Variants in MBTPS1 observed in about 807,000 individuals in gnomAD.
MBTPS1 encodes the protein membrane bound transcription factor peptidase, site 1, also known as membrane-bound transcription factor site-1 protease.
Under a neutral mutation model 127.8 loss-of-function variants are expected in MBTPS1, and 94 were observed. The ratio of observed to expected loss-of-function variants is 0.74; its 90% CI spans 0.62 to 0.87. The LOEUF (loss-of-function observed/expected upper bound fraction) is 0.87. Ranked by LOEUF, MBTPS1 falls within the 40% of genes least tolerant of loss-of-function variation. MBTPS1 has a pLI of 0.00. For synonymous variants in MBTPS1, 632 were observed against 509.4 expected (o/e 1.24, Z -3.24); for missense variants, 1,636 against 1,353.2 (o/e 1.21, Z -3.28).
chr16:84,114,489 C>G (rs1381714851), intron 1 of MBTPS1, among the ~76,000 whole-genome samples: 1 of 152,070 alleles, frequency 6.6e-6, no homozygotes, highest in Admixed American at 6.5e-5. Flanking sequence ...ATTAGCTGGC[C>G]ACACATAGGG....
At chr16:84,080,478 G>A (rs778210939) in intron 11 of MBTPS1, among the ~76,000 whole-genome samples, 2 of 152,224 alleles carry the variant, frequency 1.3e-5, no homozygotes, top group African/African-American at 4.8e-5. Context: ...GGAGACACCT[G>A]GCAGGAGCCA....
chr16:84,058,825 C>G (rs562064272), intron 21 of MBTPS1, among the ~76,000 whole-genome samples: 1 of 152,270 alleles, frequency 6.6e-6, no homozygotes, highest in South Asian at 2.1e-4. Flanking sequence ...CCATCGGAGG[C>G]GGGTGCTTTC....
intron 15 of MBTPS1, 39 bp from the exon 16 acceptor site, chr16:84,067,862 T>C (rs754092880): frequency 1.9e-6 from 3 of 1,581,474 alleles, no homozygotes; most frequent in South Asian, 1.1e-5. Context: ...CTGTCACTTC[T>C]GAATGACAGG....
At chr16:84,109,616 C>T (rs1449525159) in intron 1 of MBTPS1, 1 of 152,134 alleles carries the variant, frequency 6.6e-6, no homozygotes, top group Non-Finnish European at 1.5e-5. Flanking sequence ...ATCAGACCAA[C>T]CCAAATTGAG....
At chr16:84,086,081 A>T (rs1048514717) in intron 9 of MBTPS1, 24 of 152,258 alleles carry the variant, frequency 1.6e-4, no homozygotes, top group African/African-American at 5.8e-4. Context: ...CAGGAGCCCA[A>T]TTTGAAGGGA....
intron 8 of MBTPS1, 91 bp downstream of exon 8, chr16:84,090,784 T>G (rs1229119404): frequency 8.9e-6 from 8 of 899,802 alleles, no homozygotes; most frequent in Non-Finnish European, 7.3e-6. Context: ...CATAAACAAG[T>G]AACCATAGGT....
At chr16:84,086,544 G>A (rs1446184412) in intron 9 of MBTPS1, 2 of 152,430 alleles carry the variant, frequency 1.3e-5, no homozygotes, top group African/African-American at 4.8e-5. Flanking sequence ...GGACGCTGGG[G>A]GCTGACGCTG....
At position 84,087,476 on chromosome 16, in the gene MBTPS1, A is replaced by G. The variant is rs774103351; in HGVS notation, c.1032-16T>C. 3 of 829,074 alleles carry G rather than the reference A, an allele frequency of 3.6e-6. No individual in the cohort carries two copies. Among genetic ancestry groups the G allele is most frequent in the South Asian group, 2.3e-5 (1 of 44,016 alleles). The allele number at this position is 829,074 out of a possible 1,614,324, so 51.4% of individuals were successfully genotyped here. The stretch of plus-strand genomic sequence containing the variant: ...ATTCAGAGTGCTATATTGAGACCAA[A>G]AAAAAAAAAAAAGAAAAGAAAAAGA... On this transcript the variant is annotated splice_polypyrimidine_tract_variant and intron_variant, in intron 8 of 22. Transcript: ENST00000343411.
At chr16:84,057,102 C>G (rs2085533549) in intron 21 of MBTPS1, 1 of 152,270 alleles carries the variant, frequency 6.6e-6, no homozygotes, top group South Asian at 2.1e-4. Flanking sequence ...CAACGCCAAG[C>G]TGGCGGGCAA....
At chr16:84,073,945 G>A (rs555792291) in intron 12 of MBTPS1, among the ~76,000 whole-genome samples, 1 of 152,294 alleles carries the variant, frequency 6.6e-6, no homozygotes, top group African/African-American at 2.4e-5. Context: ...GGCGGAGGTT[G>A]CAGTGAGCCA....
intron 1 of MBTPS1, among the ~76,000 whole-genome samples, chr16:84,115,458 G>T (rs529763987): frequency 6.6e-6 from 1 of 152,262 alleles, no homozygotes; most frequent in East Asian, 1.9e-4. Context: ...ACACATTAGA[G>T]CATAAAATAA....
At chr16:84,105,435 GAC>G (rs2086309817) in intron 1 of MBTPS1, among the ~76,000 whole-genome samples, 1 of 152,154 alleles carries the variant, frequency 6.6e-6, no homozygotes, top group Admixed American at 6.5e-5. Flanking sequence ...ATGCTGAACT[GAC>G]ACACAGTTCT....
At chr16:84,083,856 C>G (rs1189559391) in intron 10 of MBTPS1, among the ~76,000 whole-genome samples, 1 of 152,138 alleles carries the variant, frequency 6.6e-6, no homozygotes, top group Admixed American at 6.5e-5. Context: ...TAAATGCCAG[C>G]CCCAAAGACA....
At chr16:84,110,054 A>G (rs893507708) in intron 1 of MBTPS1, among the ~76,000 whole-genome samples, 3 of 152,150 alleles carry the variant, frequency 2.0e-5, no homozygotes, top group African/African-American at 7.2e-5. Flanking sequence ...TAAGTTCTTT[A>G]TTTACCCTCA....
chr16:84,085,194 T>C, intron 9 of MBTPS1, 60 bp from the exon 10 acceptor site: 1 of 1,521,320 alleles, frequency 6.6e-7, no homozygotes, highest in Non-Finnish European at 9.1e-7. Flanking sequence ...CCGCATGCAA[T>C]CATGAGTGAA....
At chr16:84,060,478 C>T (rs949034215) in intron 20 of MBTPS1, 3 of 548,318 alleles carry the variant, frequency 5.5e-6, no homozygotes, top group East Asian at 6.1e-5. Flanking sequence ...ACTGGGTCCT[C>T]GATCATGGCC....
intron 1 of MBTPS1, among the ~76,000 whole-genome samples, chr16:84,104,933 CAA>C (rs34579181): frequency 7.6e-5 from 11 of 145,308 alleles, no homozygotes; most frequent in African/African-American, 5.0e-5. Flanking sequence ...CCAACCGACC[CAA>C]AAAAAAAAAT....
chr16:84,098,669 G>A (rs111692600), intron 3 of MBTPS1, among the ~76,000 whole-genome samples: 1 of 152,118 alleles, frequency 6.6e-6, no homozygotes, highest in Non-Finnish European at 1.5e-5. Context: ...GAAGCGAAAT[G>A]CAAGGAAGAA....
chr16:84,083,899 C>G (rs1487943538), intron 10 of MBTPS1, among the ~76,000 whole-genome samples: 1 of 152,162 alleles, frequency 6.6e-6, no homozygotes, highest in Non-Finnish European at 1.5e-5. Context: ...GAAACACGGG[C>G]CACCGATGAA....
Sources: allele counts gnomAD v4.1 joint callset (sites outside exome capture counted in the v4.1 genomes callset), GRCh38; gene constraint gnomAD v4.1.1; transcripts MANE v1.5; gene names NCBI Gene and HGNC (gene_info 2026-07-23, HGNC 2026-07-21).